The following FMN1 variants were observed in gnomAD, a reference collection of about 807,000 sequenced individuals.
FMN1 encodes the protein formin-1.
Under a neutral mutation model 132.4 loss-of-function variants are expected in FMN1, and 110 were observed. The ratio of observed to expected loss-of-function variants is 0.83; its 90% CI spans 0.71 to 0.97. FMN1 has a LOEUF of 0.97. FMN1 is among the 50% of genes least tolerant of loss of function. The probability of loss-of-function intolerance (pLI) is 0.00; values close to 1 mark genes in which losing one functional copy is unlikely to be tolerated. For synonymous variants in FMN1, 722 were observed against 651.7 expected, an observed-to-expected ratio of 1.11 and a Z score of -1.64; for missense variants, 1,792 against 1,705.3, an observed-to-expected ratio of 1.05 and a Z score of -0.90.
At chr15:32,925,435 C>T (rs2060936446) in intron 10 of FMN1, among the ~76,000 whole-genome samples, 1 of 152,078 alleles carries the variant, frequency 6.6e-6, no homozygotes, top group Admixed American at 6.5e-5. Flanking sequence ...GACAGGGGAA[C>T]ATGATAAATA....
At chr15:32,971,419 T>C (rs2031781481) in intron 7 of FMN1, among the ~76,000 whole-genome samples, 1 of 152,154 alleles carries the variant, frequency 6.6e-6, no homozygotes, top group Non-Finnish European at 1.5e-5. Context: ...CTTTTGTGAG[T>C]TCTACTACCG....
At chr15:33,045,731 T>C (rs1194115117) in intron 6 of FMN1, among the ~76,000 whole-genome samples, 4 of 152,200 alleles carry the variant, frequency 2.6e-5, no homozygotes, top group Non-Finnish European at 4.4e-5. Context: ...TAAATGGTAA[T>C]ACTGCAGGGG....
At chr15:32,977,473 G>A (rs542973631) in intron 7 of FMN1, among the ~76,000 whole-genome samples, 272 of 152,290 alleles carry the variant, frequency 1.8e-3, no homozygotes, top group African/African-American at 6.3e-3. Flanking sequence ...CTCTCAGGTG[G>A]AAAAAGCATT....
At chr15:33,115,330 G>C (rs1375909819) in intron 4 of FMN1, among the ~76,000 whole-genome samples, 1 of 152,142 alleles carries the variant, frequency 6.6e-6, no homozygotes, top group Non-Finnish European at 1.5e-5. Flanking sequence ...AATCTAACGA[G>C]TCAAATCAGA....
intron 6 of FMN1, among the ~76,000 whole-genome samples, chr15:33,018,326 C>CAGGATGGGGGCAGGACACCTGAA (rs2035192350): frequency 6.6e-6 from 1 of 152,008 alleles, no homozygotes; most frequent in Non-Finnish European, 1.5e-5. Context: ...TAGGTAGCTT[C>CAGGATGGGGGCAGGACACCTGAA]AGGATGGGGG....
At chr15:32,992,712 A>G (rs180905563) in intron 7 of FMN1, among the ~76,000 whole-genome samples, 12 of 152,330 alleles carry the variant, frequency 7.9e-5, no homozygotes, top group South Asian at 4.1e-4. Flanking sequence ...TCATATTCCT[A>G]TAACTCCTAA....
intron 3 of FMN1, among the ~76,000 whole-genome samples, chr15:33,170,934 C>A (rs1441743624): frequency 6.6e-6 from 1 of 152,138 alleles, no homozygotes; most frequent in African/African-American, 2.4e-5. Flanking sequence ...AAAAGGGATA[C>A]CTGCACCCTC....
intron 9 of FMN1, among the ~76,000 whole-genome samples, chr15:32,934,927 C>CT (rs71309472): frequency 0.098 from 13,809 of 141,344 alleles, 1,001 homozygotes; most frequent in African/African-American, 0.21. Flanking sequence ...TTTTCTTTTT[C>CT]TTTTTTTTTT....
intron 9 of FMN1, among the ~76,000 whole-genome samples, chr15:32,929,981 A>ATTTTTT (rs377263342): frequency 4.3e-5 from 4 of 91,970 alleles, no homozygotes; most frequent in African/African-American, 4.8e-5. Context: ...CTATTTTTAA[A>ATTTTTT]TTTTTTTTTT....
chr15:33,153,932 T>G lies in FMN1; in HGVS notation c.983A>C (p.Lys328Thr). The change falls in exon 4 of 21, where the codon AAA becomes ACA. Residue 328 changes from lysine to threonine, a missense_variant. By Grantham distance (78) the Lys-to-Thr change is moderately conservative (BLOSUM62 -1). This residue lies in a region of FMN1 where 638 missense variants were observed against 645.2 expected (regional missense o/e 0.99). Coordinates refer to ENST00000616417, the MANE Select transcript of FMN1 (RefSeq NM_001277313.2). ...CAGGTCCTGAACTTTGGCCACCACT[T>G]TGGAGACAGGTTTCTGCTTGCAAGT... ...KRTCKQKPVSKVVAKVQDLSS... is the reference protein window; with the variant it reads ...KRTCKQKPVSTVVAKVQDLSS... 6.5e-7 allele frequency: 1 copy of G among 1,536,774 alleles called. No homozygotes were observed.
chr15:33,116,721 A>G (rs999868732), intron 4 of FMN1, among the ~76,000 whole-genome samples: 2 of 151,846 alleles, frequency 1.3e-5, no homozygotes, highest in African/African-American at 4.8e-5. Flanking sequence ...AAACATGATT[A>G]TAAGATGCGA....
intron 3 of FMN1, among the ~76,000 whole-genome samples, chr15:33,158,950 C>T (rs1964784564): frequency 6.6e-6 from 1 of 152,050 alleles, no homozygotes; most frequent in Admixed American, 6.6e-5. Context: ...ACTTTGGGAG[C>T]CTGAGGTGGG....
intron 17 of FMN1, among the ~76,000 whole-genome samples, chr15:32,805,058 T>C (rs1185796356): frequency 6.6e-6 from 1 of 152,214 alleles, no homozygotes; most frequent in Non-Finnish European, 1.5e-5. Flanking sequence ...ATGGTATTTC[T>C]AGTTCTAGAT....
intron 6 of FMN1, among the ~76,000 whole-genome samples, chr15:33,015,621 G>A (rs540774771): frequency 2.6e-5 from 4 of 152,112 alleles, no homozygotes; most frequent in Non-Finnish European, 4.4e-5. Flanking sequence ...TCCTACCCGC[G>A]GATCCTGATA....
chr15:32,946,257 T>TCA (rs1420205615), intron 9 of FMN1, among the ~76,000 whole-genome samples: 3 of 152,118 alleles, frequency 2.0e-5, no homozygotes, highest in Non-Finnish European at 4.4e-5. Flanking sequence ...TCATACACTA[T>TCA]CATTCAGGCT....
chr15:33,038,305 T>C (rs921160295), intron 6 of FMN1, among the ~76,000 whole-genome samples: 1 of 152,228 alleles, frequency 6.6e-6, no homozygotes, highest in African/African-American at 2.4e-5. Flanking sequence ...CTAAGAACAC[T>C]GATTTGCCGC....
At chr15:32,998,804 T>C (rs1445850663) in intron 7 of FMN1, among the ~76,000 whole-genome samples, 2 of 152,154 alleles carry the variant, frequency 1.3e-5, no homozygotes, top group South Asian at 2.1e-4. Context: ...ATGAAGGAAA[T>C]GTCTAAAACC....
At chr15:33,068,914 C>T (rs1327037488) in intron 5 of FMN1, among the ~76,000 whole-genome samples, 1 of 152,228 alleles carries the variant, frequency 6.6e-6, no homozygotes, top group African/African-American at 2.4e-5. Flanking sequence ...TGCTCAGCAG[C>T]TGTGACTTCC....
chr15:33,151,727 G>C (rs559366318), intron 4 of FMN1, among the ~76,000 whole-genome samples: 3 of 152,226 alleles, frequency 2.0e-5, no homozygotes, highest in African/African-American at 7.2e-5. Context: ...GAGTTTCCTT[G>C]TCAAGTGTTT....
Sources: allele counts gnomAD v4.1 joint callset (sites outside exome capture counted in the v4.1 genomes callset), GRCh38; gene constraint gnomAD v4.1.1; regional missense constraint gnomAD v4.1.1; transcripts MANE v1.5; gene names NCBI Gene and HGNC (gene_info 2026-07-23, HGNC 2026-07-21).